ARB2A: variants seen among roughly 807,000 people sequenced by gnomAD.
The protein encoded by ARB2A is cotranscriptional regulator ARB2A.
chr5:93,647,236 T>TC, the ARB2A span, among the ~76,000 whole-genome samples: 20 of 151,742 alleles, frequency 1.3e-4, no homozygotes, highest in Non-Finnish European at 2.2e-4. Context: ...CATTTTTTCT[T>TC]CCCCCCCGAG....
chr5:93,696,192 A>C, the ARB2A span, among the ~76,000 whole-genome samples: 1 of 152,184 alleles, frequency 6.6e-6, no homozygotes, highest in East Asian at 1.9e-4. Context: ...CTATAAAAAA[A>C]CCCACAAACA....
At chr5:93,846,967 C>T in the ARB2A span, among the ~76,000 whole-genome samples, 21 of 152,142 alleles carry the variant, frequency 1.4e-4, no homozygotes, top group Non-Finnish European at 2.9e-4. Flanking sequence ...CGCATTTTAC[C>T]CACAGTAGAA....
the ARB2A span, among the ~76,000 whole-genome samples, chr5:93,965,766 T>A: frequency 6.6e-6 from 1 of 152,080 alleles, no homozygotes; most frequent in African/African-American, 2.4e-5. Context: ...ATGATTTTTT[T>A]AGAAAATTAA....
At chr5:93,694,892 A>AT in the ARB2A span, among the ~76,000 whole-genome samples, 1 of 152,192 alleles carries the variant, frequency 6.6e-6, no homozygotes, top group Admixed American at 6.5e-5. Context: ...CCACACATCT[A>AT]TAACCATCTG....
the ARB2A span, among the ~76,000 whole-genome samples, chr5:94,097,843 C>A: frequency 2.6e-5 from 4 of 151,548 alleles, no homozygotes; most frequent in African/African-American, 7.3e-5. Context: ...AGCCCTCCCC[C>A]CCACCACCCC....
the ARB2A span, among the ~76,000 whole-genome samples, chr5:93,872,078 A>T: frequency 5.3e-5 from 8 of 151,220 alleles, no homozygotes; most frequent in Non-Finnish European, 1.0e-4. Flanking sequence ...CCTCCAGAGT[A>T]GCCGGGACTA....
chr5:94,092,425 A>G, the ARB2A span, among the ~76,000 whole-genome samples: 1 of 152,158 alleles, frequency 6.6e-6, no homozygotes, highest in Non-Finnish European at 1.5e-5. Context: ...CAAAGTTTGG[A>G]TAGCATGGTT....
chr5:94,108,863 T>C, the ARB2A span, among the ~76,000 whole-genome samples: 1 of 152,098 alleles, frequency 6.6e-6, no homozygotes, highest in Non-Finnish European at 1.5e-5. Flanking sequence ...CGAAAAAAAG[T>C]ATACATATAG....
the ARB2A span, among the ~76,000 whole-genome samples, chr5:93,709,189 A>G: frequency 6.6e-6 from 1 of 152,104 alleles, no homozygotes; most frequent in African/African-American, 2.4e-5. Flanking sequence ...GCTGAGGAAC[A>G]ATGCATTTTA....
the ARB2A span, among the ~76,000 whole-genome samples, chr5:93,887,257 A>T: frequency 3.0e-5 from 4 of 131,742 alleles, no homozygotes; most frequent in Non-Finnish European, 6.5e-5. Context: ...GTGAGTGGAT[A>T]AAAAAAAAAA....
At chr5:93,781,958 A>G in the ARB2A span, 1 of 983,254 alleles carries the variant, frequency 1.0e-6, no homozygotes, top group South Asian at 4.7e-5. Flanking sequence ...CAGAGGGGAT[A>G]GGAAATAAGA....
chr5:94,102,101 T>TAA, the ARB2A span, among the ~76,000 whole-genome samples: 5 of 114,316 alleles, frequency 4.4e-5, no homozygotes, highest in Admixed American at 1.8e-4. Flanking sequence ...AATTCCAAAG[T>TAA]AAAAAAAAAA....
At chr5:94,004,590 A>G in the ARB2A span, among the ~76,000 whole-genome samples, 1 of 151,984 alleles carries the variant, frequency 6.6e-6, no homozygotes, top group Non-Finnish European at 1.5e-5. Flanking sequence ...TCAAAAAAAA[A>G]AAAAAATTTT....
At chr5:93,702,317 A>T in the ARB2A span, among the ~76,000 whole-genome samples, 3 of 152,182 alleles carry the variant, frequency 2.0e-5, no homozygotes, top group Non-Finnish European at 4.4e-5. Context: ...CAGACAACAC[A>T]AGGAGCTCCT....
chr5:93,967,769 A>G, the ARB2A span, among the ~76,000 whole-genome samples: 2 of 152,156 alleles, frequency 1.3e-5, no homozygotes, highest in African/African-American at 4.8e-5. Context: ...AGTTGAAGAG[A>G]AACTATTTTA....
At chr5:94,007,956 G>C in the ARB2A span, among the ~76,000 whole-genome samples, 1 of 152,244 alleles carries the variant, frequency 6.6e-6, no homozygotes, top group South Asian at 2.1e-4. Context: ...TTACATTACA[G>C]AGAAAATGTA....
the ARB2A span, among the ~76,000 whole-genome samples, chr5:93,747,855 T>C: frequency 6.6e-6 from 1 of 152,316 alleles, no homozygotes; most frequent in African/African-American, 2.4e-5. Flanking sequence ...GCAAGATTTC[T>C]ATTATGATGA....
the ARB2A span, among the ~76,000 whole-genome samples, chr5:93,687,744 C>T: frequency 6.6e-6 from 1 of 152,116 alleles, no homozygotes; most frequent in African/African-American, 2.4e-5. Flanking sequence ...GATTATTTCT[C>T]AGGGGTGGTA....
the ARB2A span, among the ~76,000 whole-genome samples, chr5:93,825,375 T>A: frequency 6.6e-6 from 1 of 152,184 alleles, no homozygotes; most frequent in Admixed American, 6.5e-5. Flanking sequence ...TCAACAATGT[T>A]CTGTCCGTTC....
Sources: allele counts gnomAD v4.1 joint callset (sites outside exome capture counted in the v4.1 genomes callset), GRCh38; gene constraint gnomAD v4.1.1; transcripts MANE v1.5; gene names NCBI Gene and HGNC (gene_info 2026-07-23, HGNC 2026-07-21).